PRKN: variants seen among roughly 807,000 people sequenced by gnomAD.
The protein encoded by PRKN is E3 ubiquitin-protein ligase parkin.
PRKN carries 56 observed loss-of-function variants against 59.5 expected under a neutral mutation model. That is an observed-to-expected ratio of 0.94 (90% confidence interval 0.76 to 1.18). PRKN has a LOEUF of 1.18. Among genes scored for constraint, PRKN ranks in the 50% most tolerant of loss-of-function variants. The probability of loss-of-function intolerance (pLI) is 0.00; values close to 1 mark genes in which losing one functional copy is unlikely to be tolerated. For missense variants in PRKN, 657 were observed against 596.4 expected (o/e 1.10, Z -1.06); for synonymous variants, 250 against 222.1 (o/e 1.13, Z -1.12).
chr6:162,179,968 CTGTGTGTGTGTGTGTGTG>C (rs61592555), intron 4 of PRKN, among the ~76,000 whole-genome samples: 1 of 139,724 alleles, frequency 7.2e-6, no homozygotes, highest in African/African-American at 2.7e-5. Flanking sequence ...TATCTTATTA[CTGTGTGTGTGTGTGTGTG>C]TGTGTGTGTG....
intron 5 of PRKN, among the ~76,000 whole-genome samples, chr6:161,980,659 T>C (rs1781226515): frequency 6.6e-6 from 1 of 152,164 alleles, no homozygotes; most frequent in East Asian, 1.9e-4. Flanking sequence ...ATGAATGGGA[T>C]GAAGCCACTG....
intron 6 of PRKN, among the ~76,000 whole-genome samples, chr6:161,905,641 G>C (rs1356008982): frequency 1.3e-5 from 2 of 151,740 alleles, no homozygotes; most frequent in Non-Finnish European, 2.9e-5. Context: ...TTTATCTTGG[G>C]TTTTATTTAT....
rs1322256526 is a variant in PRKN at position 161,566,493 on chromosome 6, G to A, written c.933+2862C>T. On this transcript the variant is annotated intron_variant, in intron 8 of 11. Coordinates refer to ENST00000366898, the MANE Select transcript of PRKN (RefSeq NM_004562.3). The surrounding 1 kb of genome is among the most constrained non-coding windows in gnomAD (Gnocchi z 4.1). ...ACGATATTGGCTCACTGCAACCTCC[G>A]CCTCCCAGGCTCAAGCAATTCTCCT... is the stretch of plus-strand genomic sequence containing the variant. Among the ~76,000 whole-genome samples, 2 of 151,884 alleles carry A rather than the reference G, an allele frequency of 1.3e-5. No homozygotes were observed. Among genetic ancestry groups the A allele is most frequent in the African/African-American group, 4.8e-5 (2 of 41,320 alleles).
At chr6:161,553,908 C>G (rs889975327) in intron 8 of PRKN, among the ~76,000 whole-genome samples, 1 of 152,194 alleles carries the variant, frequency 6.6e-6, no homozygotes, top group African/African-American at 2.4e-5. Context: ...GAAAATTACT[C>G]AGGTTCATCT....
chr6:161,884,650 GA>G (rs1795064317), intron 6 of PRKN, among the ~76,000 whole-genome samples: 1 of 152,084 alleles, frequency 6.6e-6, no homozygotes, highest in Non-Finnish European at 1.5e-5. Context: ...TAATTTTGTT[GA>G]AATAGTAAAT....
At chr6:162,345,526 A>C (rs1388568174) in intron 2 of PRKN, among the ~76,000 whole-genome samples, 1 of 152,190 alleles carries the variant, frequency 6.6e-6, no homozygotes, top group African/African-American at 2.4e-5. Context: ...GCTTTACTTA[A>C]CCTCTAGCAA....
At chr6:161,559,761 G>A (rs1780382830) in intron 8 of PRKN, among the ~76,000 whole-genome samples, 1 of 152,140 alleles carries the variant, frequency 6.6e-6, no homozygotes, top group Non-Finnish European at 1.5e-5. Flanking sequence ...GGCTACGGGT[G>A]GGGCAGTGAA....
intron 2 of PRKN, among the ~76,000 whole-genome samples, chr6:162,417,959 T>C (rs1788727337): frequency 6.6e-6 from 1 of 152,192 alleles, no homozygotes; most frequent in Admixed American, 6.5e-5. Flanking sequence ...GAGGGTTCTG[T>C]AAATAGCTAA....
intron 7 of PRKN, among the ~76,000 whole-genome samples, chr6:161,649,722 A>C (rs1784082847): frequency 6.6e-6 from 1 of 152,228 alleles, no homozygotes; most frequent in African/African-American, 2.4e-5. Flanking sequence ...GTATCTTCCA[A>C]AGATGGCTGT....
chr6:162,036,437 C>T (rs1467447270), intron 5 of PRKN, among the ~76,000 whole-genome samples: 3 of 151,766 alleles, frequency 2.0e-5, no homozygotes, highest in Non-Finnish European at 2.9e-5. Flanking sequence ...TGGAGTGCAA[C>T]GGCAGGATCT....
chr6:162,389,460 TAAA>T lies in PRKN; in HGVS notation c.171+53847_171+53849del, dbSNP rs542656570. ...AGTATCAAACAATGATTAAAAGAAA[TAAA>T]AAACCTTTGCATCTTGGCATGCTCA... On this transcript the variant is annotated intron_variant, in intron 2 of 11. Coordinates refer to ENST00000366898, the MANE Select transcript of PRKN (RefSeq NM_004562.3). Among the ~76,000 whole-genome samples, 276 of 152,100 alleles carry T rather than the reference TAAA, an allele frequency of 1.8e-3. 2 individuals carry two copies. Among genetic ancestry groups the T allele is most frequent in the Non-Finnish European group, 3.4e-3 (233 of 67,970 alleles).
At chr6:161,398,448 A>G (rs1786871312) in intron 9 of PRKN, among the ~76,000 whole-genome samples, 1 of 152,130 alleles carries the variant, frequency 6.6e-6, no homozygotes, top group Non-Finnish European at 1.5e-5. Flanking sequence ...CCCAAGAAGT[A>G]CTAGACCAGA....
intron 4 of PRKN, among the ~76,000 whole-genome samples, chr6:162,093,734 G>A (rs1419162643): frequency 6.6e-6 from 1 of 152,056 alleles, no homozygotes; most frequent in East Asian, 1.9e-4. Flanking sequence ...AAGCAGCACC[G>A]CAGGCATTTG....
At chr6:161,686,075 C>CA (rs34114820) in intron 7 of PRKN, among the ~76,000 whole-genome samples, 3,131 of 128,628 alleles carry the variant, frequency 0.024, 46 homozygotes, top group Middle Eastern at 0.052. Context: ...TAGAAAACAG[C>CA]AAAAAAAAAA....
chr6:162,384,804 A>G (rs1162908944), intron 2 of PRKN, among the ~76,000 whole-genome samples: 1 of 152,022 alleles, frequency 6.6e-6, no homozygotes. Context: ...ACTTTTTCCT[A>G]TTTCACAGGT....
chr6:162,397,911 C>A (rs1283185926), intron 2 of PRKN, among the ~76,000 whole-genome samples: 2 of 151,908 alleles, frequency 1.3e-5, no homozygotes, highest in Admixed American at 1.3e-4. Context: ...GTGACTCCCA[C>A]CTGTAAGCCA....
chr6:162,479,687 T>C (rs1228868003), intron 1 of PRKN, among the ~76,000 whole-genome samples: 2 of 151,930 alleles, frequency 1.3e-5, no homozygotes, highest in Non-Finnish European at 2.9e-5. Flanking sequence ...AGCTGTCATC[T>C]CCTGTGATCA....
At chr6:161,785,691 A>G (rs1790384103) in intron 7 of PRKN, 81 bp downstream of exon 7, 1 of 1,374,606 alleles carries the variant, frequency 7.3e-7, no homozygotes, top group Admixed American at 1.8e-5. Context: ...GTTTACGTAT[A>G]TCTAAGCCAG....
intron 9 of PRKN, among the ~76,000 whole-genome samples, chr6:161,482,882 C>CA (rs1791474937): frequency 6.6e-6 from 1 of 152,210 alleles, no homozygotes; most frequent in South Asian, 2.1e-4. Context: ...ATATGACTTT[C>CA]ATAAGCACTT....
Sources: allele counts gnomAD v4.1 joint callset (sites outside exome capture counted in the v4.1 genomes callset), GRCh38; gene constraint gnomAD v4.1.1; non-coding constraint Gnocchi (gnomAD v3.1); transcripts MANE v1.5; gene names NCBI Gene and HGNC (gene_info 2026-07-23, HGNC 2026-07-21).